Variants in ANKMY2 observed in about 807,000 individuals in gnomAD.
ANKMY2 encodes the protein ankyrin repeat and MYND domain containing 2, also known as ankyrin repeat and MYND domain-containing protein 2.
ANKMY2 carries 36 observed loss-of-function variants against 50.4 expected under a neutral mutation model. The observed-to-expected ratio is 0.71, with a 90% CI of 0.55 to 0.94. The LOEUF (loss-of-function observed/expected upper bound fraction) is 0.94, where lower values mean the gene tolerates loss of function less well. ANKMY2 is among the 40% of genes least tolerant of loss of function. The pLI is 0.00. For missense variants in ANKMY2, 565 were observed against 524.0 expected (o/e 1.08, Z -0.76); for synonymous variants, 187 against 178.8 (o/e 1.05, Z -0.36).
At chr7:16,636,705 T>A (rs533066316) in intron 1 of ANKMY2, among the ~76,000 whole-genome samples, 1 of 152,292 alleles carries the variant, frequency 6.6e-6, no homozygotes, top group South Asian at 2.1e-4. Context: ...GTATATTACA[T>A]TGGCCACATT....
chr7:16,615,789 G>T lies in ANKMY2; in HGVS notation c.486C>A (p.Gly162=). 6.2e-7 allele frequency: 1 copy of T among 1,614,194 alleles called. No homozygotes were observed. The highest frequency in any genetic ancestry group is 8.5e-7 in the Non-Finnish European group (1 of 1,180,034). Residue 162 remains glycine, a synonymous_variant, in exon 5 of 10, where the codon GGC becomes GGA. Transcript: ENST00000306999. ...KEPKLPPKLA[G]PLHKIITTTN... ...TTGTGGTGATAATTTTGTGCAGCGGGCCTGCCAACTTTGGGGGCAGTTTTG... is the reference window on the plus strand; with the variant it reads ...TTGTGGTGATAATTTTGTGCAGCGGTCCTGCCAACTTTGGGGGCAGTTTTG...
At chr7:16,601,859 A>C (rs75826138) in intron 9 of ANKMY2, among the ~76,000 whole-genome samples, 2,642 of 152,318 alleles carry the variant, frequency 0.017, 69 homozygotes, top group African/African-American at 0.06. Flanking sequence ...TGGAGAAAAA[A>C]AAATACAAAA....
chr7:16,611,538 G>A (rs567514669), intron 5 of ANKMY2, among the ~76,000 whole-genome samples: 1 of 152,290 alleles, frequency 6.6e-6, no homozygotes, highest in Admixed American at 6.5e-5. Context: ...TATCCATGGT[G>A]GCATAACAGT....
At chr7:16,635,832 AT>A (rs1335785889) in intron 2 of ANKMY2, among the ~76,000 whole-genome samples, 3 of 152,122 alleles carry the variant, frequency 2.0e-5, no homozygotes, top group Admixed American at 6.5e-5. Flanking sequence ...TTAAAAGTCC[AT>A]TTTTCCCCAT....
chr7:16,624,455 A>C (rs1781482717), intron 4 of ANKMY2, among the ~76,000 whole-genome samples: 1 of 152,254 alleles, frequency 6.6e-6, no homozygotes, highest in Non-Finnish European at 1.5e-5. Flanking sequence ...TATTATTATC[A>C]AGTACTCTTT....
At chr7:16,622,750 GAATAAATA>G (rs146183196) in intron 4 of ANKMY2, among the ~76,000 whole-genome samples, 29,544 of 133,254 alleles carry the variant, frequency 0.22, 3,107 homozygotes, top group Admixed American at 0.32. Context: ...AAAAATAAAT[GAATAAATA>G]AATAAATAAA....
intron 5 of ANKMY2, 103 bp downstream of exon 5, chr7:16,615,641 T>C (rs1454101804): frequency 1.4e-6 from 2 of 1,479,022 alleles, no homozygotes; most frequent in Non-Finnish European, 1.8e-6. Flanking sequence ...GCTCTACAAC[T>C]ACAAAACCCA....
chr7:16,643,762 T>C (rs1781776568), intron 1 of ANKMY2, among the ~76,000 whole-genome samples: 1 of 150,838 alleles, frequency 6.6e-6, no homozygotes, highest in African/African-American at 2.5e-5. Flanking sequence ...CTCATGCCTG[T>C]AATCCCAGCA....
chr7:16,609,301 A>G (rs1005308720), intron 7 of ANKMY2, among the ~76,000 whole-genome samples: 1 of 152,196 alleles, frequency 6.6e-6, no homozygotes, highest in African/African-American at 2.4e-5. Flanking sequence ...CTTTGTGCTG[A>G]TAATTCATAT....
chr7:16,631,167 G>GTGA (rs3051094), intron 2 of ANKMY2, among the ~76,000 whole-genome samples: 25,206 of 152,048 alleles, frequency 0.17, 2,390 homozygotes, highest in Admixed American at 0.28. Flanking sequence ...ATCTGTTGTG[G>GTGA]TGATCCTATT....
intron 7 of ANKMY2, among the ~76,000 whole-genome samples, chr7:16,607,840 A>G (rs1781185960): frequency 1.3e-5 from 2 of 151,998 alleles, no homozygotes; most frequent in African/African-American, 4.8e-5. Flanking sequence ...TCAGTAACAG[A>G]AGTGTAATTT....
At position 16,600,809 on chromosome 7, in the gene ANKMY2, C is replaced by T. The variant is rs1327870612; in HGVS notation, c.1278G>A (p.Leu426=). The change falls in exon 10 of 10, where the codon TTG becomes TTA. Residue 426 remains leucine, a synonymous_variant. Transcript: ENST00000306999. ...CTGCAGGAGCATCCTGTAAGCCTTC[C>T]AACTCAGCTTCGCTTTCAAGAGATT... The part of the protein sequence containing the change: ...KKESLESEAE[L]EGLQDAPAGP... 1 of 1,613,630 alleles carries T rather than the reference C, an allele frequency of 6.2e-7. No homozygotes were observed. Among genetic ancestry groups the T allele is most frequent in the Non-Finnish European group, 8.5e-7 (1 of 1,179,866 alleles).
rs760620280 is a variant in ANKMY2, at chr7:16,600,851, G to A, written c.1236C>T (p.Ser412=). 1.1e-5 allele frequency: 18 copies of A among 1,612,332 alleles called. No individual in the cohort carries two copies. Among genetic ancestry groups the A allele is most frequent in the Admixed American group, 1.7e-5 (1 of 59,796 alleles). The change falls in exon 10 of 10, where the codon TCC becomes TCT. Residue 412 remains serine, a synonymous_variant. Coordinates refer to ENST00000306999, the MANE Select transcript of ANKMY2 (RefSeq NM_020319.3). ...CAAGAGATTCTTTCTTTCCTTCCCC[G>A]GAATCTTCAGGATTGGAATCCTTTT... ...ISQKDSNPED[S]GEGKKESLES...
At chr7:16,630,339 T>C (rs1207794362) in intron 2 of ANKMY2, among the ~76,000 whole-genome samples, 1 of 152,212 alleles carries the variant, frequency 6.6e-6, no homozygotes, top group African/African-American at 2.4e-5. Flanking sequence ...TTTAAATTTA[T>C]GACATCTTAG....
rs1451270088 is a variant in ANKMY2, at chr7:16,645,719, C to T, written c.-146G>A. The T allele has an allele frequency of 1.1e-6, 1 of 876,074 alleles. No homozygotes were observed. Among genetic ancestry groups the T allele is most frequent in the Admixed American group, 3.5e-5 (1 of 28,488 alleles). 54.3% of individuals were successfully genotyped at this position (876,074 alleles called of 1,614,324 possible). A position where few individuals can be genotyped will look rare whatever the true frequency, so the allele number is the denominator to read the frequency against. The stretch of plus-strand genomic sequence containing the variant: ...ACCGCGGAAACGCTTCGCTTCTCTC[C>T]TCCCTCCCGCGGGCTGGCGGACAGC... On this transcript the variant is annotated 5_prime_UTR_variant, in exon 1 of 10. Transcript: ENST00000306999.
chr7:16,600,673 G>A lies in ANKMY2; in HGVS notation c.*88C>T, dbSNP rs1781037733. Reference sequence around the variant, plus strand: ...GGAATCCTGCCATGGTGCCACGCAGGTATAACAAGGTGAGGACAATGCATT... The same window carrying A: ...GGAATCCTGCCATGGTGCCACGCAGATATAACAAGGTGAGGACAATGCATT... On this transcript the variant is annotated 3_prime_UTR_variant, in exon 10 of 10. Transcript: ENST00000306999. The A allele has an allele frequency of 8.4e-7, 1 of 1,193,614 alleles. No individual in the cohort carries two copies. 73.9% of individuals were successfully genotyped at this position (1,193,614 alleles called of 1,614,324 possible). A position where few individuals can be genotyped will look rare whatever the true frequency, so the allele number is the denominator to read the frequency against.
intron 2 of ANKMY2, among the ~76,000 whole-genome samples, chr7:16,632,031 G>A (rs1031558687): frequency 9.2e-5 from 14 of 151,796 alleles, no homozygotes; most frequent in African/African-American, 2.7e-4. Flanking sequence ...CTTTATAATT[G>A]CAGTTATGTT....
At position 16,615,727 on chromosome 7, in the gene ANKMY2, G is replaced by A. The variant is rs773407484; in HGVS notation, c.531+17C>T. On this transcript the variant is annotated intron_variant, in intron 5 of 9. Transcript: ENST00000306999. ...CAATATTTACATAAAAAGCAAATACGGTAGACACCACACTACCTTGACAGG... is the reference window on the plus strand; with the variant it reads ...CAATATTTACATAAAAAGCAAATACAGTAGACACCACACTACCTTGACAGG... The A allele has an allele frequency of 2.7e-5, 43 of 1,613,752 alleles. No individual in the cohort carries two copies. The highest frequency in any genetic ancestry group is 5.5e-5 in the South Asian group (5 of 91,018).
In ANKMY2 at chr7:16,624,980, C is replaced by G; in HGVS notation, c.370+3G>C. 1.2e-6 allele frequency: 2 copies of G among 1,612,756 alleles called. No homozygotes were observed. Among genetic ancestry groups the G allele is most frequent in the Non-Finnish European group, 1.7e-6 (2 of 1,179,374 alleles). On this transcript the variant is annotated splice_donor_region_variant and intron_variant, in intron 4 of 9. Transcript: ENST00000306999. ...CTAATGCAAAACTGCAGCAAAATCTCACCCACAAAGGCTGCCATCTGAGCT... is the reference window on the plus strand; with the variant it reads ...CTAATGCAAAACTGCAGCAAAATCTGACCCACAAAGGCTGCCATCTGAGCT...
Sources: allele counts gnomAD v4.1 joint callset (sites outside exome capture counted in the v4.1 genomes callset), GRCh38; gene constraint gnomAD v4.1.1; transcripts MANE v1.5; gene names NCBI Gene and HGNC (gene_info 2026-07-23, HGNC 2026-07-21).